OTOF: variants seen among roughly 807,000 people sequenced by gnomAD.
OTOF encodes the protein fer-1-like family member 2.
A neutral mutation model predicts 236.8 loss-of-function variants in OTOF; 218 were observed. The observed-to-expected ratio is 0.92, with a 90% CI of 0.82 to 1.03. The LOEUF is 1.03. OTOF is among the 50% of genes least tolerant of loss of function. The pLI, the probability that OTOF is intolerant of heterozygous loss-of-function variation, is 0.00. For missense variants in OTOF, 2,590 were observed against 2,694.4 expected (o/e 0.96, Z 0.86); for synonymous variants, 1,041 against 1,072.5 (o/e 0.97, Z 0.57).
Position 26,460,214 on chromosome 2 carries a change from T to A in OTOF, c.5814-9A>T. On this transcript the variant is annotated splice_polypyrimidine_tract_variant and intron_variant, in intron 45 of 46. Coordinates refer to ENST00000272371, the MANE Select transcript of OTOF (RefSeq NM_194248.3). This position sits in a 1 kb window ranked among gnomAD's most constrained non-coding sequence, Gnocchi z 5.3. Reference sequence around the variant, plus strand: ...AGCTCGTGTCGGGCCGGCTGGAGTATGAAGGGTAGAGAGCGCAGAGGAGGG... The same window carrying A: ...AGCTCGTGTCGGGCCGGCTGGAGTAAGAAGGGTAGAGAGCGCAGAGGAGGG... 6.3e-7 allele frequency: 1 copy of A among 1,596,814 alleles called. No homozygotes were observed. The highest frequency in any genetic ancestry group is 8.5e-7 in the Non-Finnish European group (1 of 1,172,220).
At chr2:26,506,894 G>A (rs935887138) in intron 5 of OTOF, among the ~76,000 whole-genome samples, 3 of 152,198 alleles carry the variant, frequency 2.0e-5, no homozygotes, top group Non-Finnish European at 4.4e-5. Flanking sequence ...GGGAGGCTGA[G>A]GCAGGAGAAT....
At position 26,480,884 on chromosome 2, in the gene OTOF, G is replaced by T; in HGVS notation, c.1705C>A (p.Leu569Ile). Residue 569 changes from leucine (L) to isoleucine (I), a missense_variant, in exon 15 of 47, where the codon CTC (leucine) becomes ATC (isoleucine). Physicochemically the swap from Leu to Ile is conservative, Grantham distance 5. Around this residue, in one of 2 missense-constraint regions of OTOF, gnomAD observed 1,379 missense variants for 1,341.6 expected, o/e 1.03. Transcript: ENST00000272371. The part of the protein sequence containing the change: ...LGEGVSFRAR[L>I]LLGLAVEIVD... Reference sequence around the variant, plus strand: ...ATCTCCACAGCCAGGCCCAGCAGGAGCCGGGCCCGGAAGGACACACCCTCC... The same window carrying T: ...ATCTCCACAGCCAGGCCCAGCAGGATCCGGGCCCGGAAGGACACACCCTCC... The T allele has an allele frequency of 6.2e-7, 1 of 1,613,030 alleles. No individual in the cohort carries two copies. Among genetic ancestry groups the T allele is most frequent in the Non-Finnish European group, 8.5e-7 (1 of 1,179,994 alleles).
rs1195137419 is a variant in OTOF, at chr2:26,477,150, G to A, written c.2523+22C>T. 1 of 1,602,796 alleles carries A rather than the reference G, an allele frequency of 6.2e-7. No homozygotes were observed. The highest frequency in any genetic ancestry group is 2.2e-5 in the East Asian group (1 of 44,782). Reference sequence around the variant, plus strand: ...GAGAGCCAGCCCTGGATGAGGCAAAGCCCCGACCCCTTGGGCCGCACCTCG... The same window carrying A: ...GAGAGCCAGCCCTGGATGAGGCAAAACCCCGACCCCTTGGGCCGCACCTCG... On this transcript the variant is annotated intron_variant, in intron 21 of 46. Coordinates refer to ENST00000272371, the MANE Select transcript of OTOF (RefSeq NM_194248.3). This position sits in a 1 kb window ranked among gnomAD's most constrained non-coding sequence, Gnocchi z 4.7.
chr2:26,463,919 G>C lies in OTOF; in HGVS notation c.5103+45C>G, dbSNP rs61246524. The C allele has an allele frequency of 3.8e-3, 6,077 of 1,609,708 alleles. 90 individuals carry two copies. In the African/African-American group the frequency reaches 0.048, roughly 13 times the overall value. The stretch of plus-strand genomic sequence containing the variant: ...TACTGACTCAGGTTGGGGATCCCTG[G>C]TCCCCAATACCCAAGAACCCCAGTC... On this transcript the variant is annotated intron_variant, in intron 40 of 46. Transcript: ENST00000272371.
chr2:26,519,142 T>C (rs1278318010), intron 3 of OTOF, 33 bp from the exon 4 acceptor site: 7 of 1,398,336 alleles, frequency 5.0e-6, no homozygotes, highest in Non-Finnish European at 7.0e-6. Flanking sequence ...GGTGGTAACA[T>C]GGAAGAGACC....
chr2:26,467,636 T>G, intron 33 of OTOF, 135 bp from the exon 34 acceptor site: 1 of 1,150,780 alleles, frequency 8.7e-7, no homozygotes, highest in Non-Finnish European at 1.3e-6. Flanking sequence ...ATGCAGATAA[T>G]ACTCCCTAGC....
At chr2:26,479,745 G>C in intron 16 of OTOF, 92 bp from the exon 17 acceptor site, 3 of 1,254,084 alleles carry the variant, frequency 2.4e-6, no homozygotes, top group Non-Finnish European at 3.4e-6. Context: ...TTTGGGAAAG[G>C]GGAGAGGGAG....
intron 1 of OTOF, among the ~76,000 whole-genome samples, chr2:26,541,635 G>A (rs1667214374): frequency 6.6e-6 from 1 of 152,212 alleles, no homozygotes; most frequent in Non-Finnish European, 1.5e-5. Flanking sequence ...CAAGTGATCA[G>A]GGGGATGACT....
chr2:26,511,380 T>C (rs1480067549), intron 5 of OTOF, among the ~76,000 whole-genome samples: 1 of 152,192 alleles, frequency 6.6e-6, no homozygotes, highest in Non-Finnish European at 1.5e-5. Context: ...GGCCCCCCTA[T>C]CTCACTTTAG....
intron 1 of OTOF, among the ~76,000 whole-genome samples, chr2:26,541,891 G>A (rs1385795695): frequency 6.6e-6 from 1 of 152,234 alleles, no homozygotes; most frequent in Non-Finnish European, 1.5e-5. Context: ...AAATAGAACA[G>A]CATCCTCCTT....
At chr2:26,554,165 C>CAAAAAAAAAAAAAAAAAAAAAA (rs34196608) in intron 1 of OTOF, among the ~76,000 whole-genome samples, 1 of 79,594 alleles carries the variant, frequency 1.3e-5, no homozygotes. Flanking sequence ...GAGCGAGACT[C>CAAAAAAAAAAAAAAAAAAAAAA]AAAAAAAAAA....
In OTOF at chr2:26,466,702, C is replaced by A. The variant is rs375084445; in HGVS notation, c.4500+12G>T. 1 of 1,613,956 alleles carries A rather than the reference C, an allele frequency of 6.2e-7. No homozygotes were observed. On this transcript the variant is annotated intron_variant, in intron 36 of 46. Coordinates refer to ENST00000272371, the MANE Select transcript of OTOF (RefSeq NM_194248.3). ...GGAGACTTGCAAGGAGGGAAAGCGA[C>A]GGGAGTCTCACCCGGACCACATAGA...
chr2:26,511,128 G>A (rs917372702), intron 5 of OTOF, among the ~76,000 whole-genome samples: 1 of 152,174 alleles, frequency 6.6e-6, no homozygotes, highest in South Asian at 2.1e-4. Context: ...CCACCCTCCC[G>A]GCCTGGGCCA....
chr2:26,544,224 A>T (rs1428824996), intron 1 of OTOF, among the ~76,000 whole-genome samples: 2 of 152,180 alleles, frequency 1.3e-5, no homozygotes, highest in Non-Finnish European at 2.9e-5. Context: ...ACATTCATGG[A>T]TCTTAAGTGT....
intron 2 of OTOF, 52 bp from the exon 3 acceptor site, chr2:26,527,972 G>T (rs748460764): frequency 1.5e-6 from 2 of 1,298,776 alleles, no homozygotes; most frequent in Non-Finnish European, 2.2e-6. Context: ...GGTAGGAGCC[G>T]TGGGGTGTGG....
At chr2:26,516,073 C>A (rs1207642991) in intron 5 of OTOF, among the ~76,000 whole-genome samples, 2 of 152,200 alleles carry the variant, frequency 1.3e-5, no homozygotes, top group Non-Finnish European at 2.9e-5. Flanking sequence ...GGTCTTGAAC[C>A]AGAGAGGCCA....
Position 26,482,473 on chromosome 2 carries a change from C to T in OTOF, c.1512G>A (p.Lys504=). 1 of 1,613,348 alleles carries T rather than the reference C, an allele frequency of 6.2e-7. No individual in the cohort carries two copies. The highest frequency in any genetic ancestry group is 8.5e-7 in the Non-Finnish European group (1 of 1,180,018). The change falls in exon 14 of 47, where the codon AAG becomes AAA. Residue 504 remains lysine, a synonymous_variant. Coordinates refer to ENST00000272371, the MANE Select transcript of OTOF (RefSeq NM_194248.3). ...GGGTGCCGATGGCCACGTCGTTGACCTTGTCCGAGTCTCGGATCTGCACCT... is the reference window on the plus strand; with the variant it reads ...GGGTGCCGATGGCCACGTCGTTGACTTTGTCCGAGTCTCGGATCTGCACCT... ...RMKVQIRDSD[K]VNDVAIGTHF... is the part of the protein sequence containing the mutation.
intron 5 of OTOF, among the ~76,000 whole-genome samples, chr2:26,509,160 G>A (rs903458979): frequency 2.0e-5 from 3 of 152,176 alleles, no homozygotes; most frequent in African/African-American, 4.8e-5. Flanking sequence ...TTAGAGCATC[G>A]CTGATCTCAG....
Position 26,530,436 on chromosome 2 carries a change from G to A in OTOF, c.139-2516C>T, listed in dbSNP as rs573665508. On this transcript the variant is annotated intron_variant, in intron 2 of 46. Transcript: ENST00000272371. ...GGCTCAGGTGCCCTTTCAGAAATTCGTCAGCCGGGTCTGGGCAGTCCATGC... is the reference window on the plus strand; with the variant it reads ...GGCTCAGGTGCCCTTTCAGAAATTCATCAGCCGGGTCTGGGCAGTCCATGC... Among the ~76,000 whole-genome samples the A allele has an allele frequency of 1.1e-4, 16 of 152,262 alleles. No individual in the cohort carries two copies. The South Asian group carries it at 1.5e-3, about 14-fold the overall frequency.
Sources: allele counts gnomAD v4.1 joint callset (sites outside exome capture counted in the v4.1 genomes callset), GRCh38; gene constraint gnomAD v4.1.1; regional missense constraint gnomAD v4.1.1; non-coding constraint Gnocchi (gnomAD v3.1); transcripts MANE v1.5; gene names NCBI Gene and HGNC (gene_info 2026-07-23, HGNC 2026-07-21).